NUDCD3: variants seen among roughly 807,000 people sequenced by gnomAD.
NUDCD3 encodes nudC domain-containing protein 3.
NUDCD3 carries 13 observed loss-of-function variants against 39.7 expected under a neutral mutation model. That is an observed-to-expected ratio of 0.33 (90% confidence interval 0.21 to 0.52). NUDCD3 has a LOEUF of 0.52. NUDCD3 is among the 20% of genes least tolerant of loss of function. NUDCD3 has a pLI of 0.96. For missense variants in NUDCD3, 453 were observed against 458.1 expected (o/e 0.99, Z 0.10); for synonymous variants, 175 against 172.4 (o/e 1.02, Z -0.12).
intron 2 of NUDCD3, among the ~76,000 whole-genome samples, chr7:44,465,562 A>T (rs1457705573): frequency 6.6e-6 from 1 of 152,256 alleles, no homozygotes; most frequent in Non-Finnish European, 1.5e-5. Context: ...ACCTAAAGTC[A>T]GTCTAAAAAT....
At chr7:44,480,696 C>T (rs980641382) in intron 2 of NUDCD3, among the ~76,000 whole-genome samples, 1 of 152,052 alleles carries the variant, frequency 6.6e-6, no homozygotes, top group Non-Finnish European at 1.5e-5. Context: ...AATCCCAGCA[C>T]TTTACGAGGC....
At chr7:44,455,242 A>G (rs1374055954) in intron 2 of NUDCD3, among the ~76,000 whole-genome samples, 3 of 152,072 alleles carry the variant, frequency 2.0e-5, no homozygotes, top group Non-Finnish European at 4.4e-5. Context: ...GTTATCTCGT[A>G]GCTGAAGTCA....
intron 2 of NUDCD3, among the ~76,000 whole-genome samples, chr7:44,477,513 G>A (rs1385181419): frequency 6.6e-6 from 1 of 152,174 alleles, no homozygotes; most frequent in Non-Finnish European, 1.5e-5. Flanking sequence ...CCATCCCACT[G>A]TCTACAGCAA....
intron 3 of NUDCD3, among the ~76,000 whole-genome samples, chr7:44,419,972 G>A (rs1380637107): frequency 6.6e-6 from 1 of 152,244 alleles, no homozygotes; most frequent in East Asian, 1.9e-4. Flanking sequence ...TCTCCAGCAA[G>A]GGCACAAAAC....
At chr7:44,474,195 A>C (rs911489494) in intron 2 of NUDCD3, among the ~76,000 whole-genome samples, 1 of 150,454 alleles carries the variant, frequency 6.6e-6, no homozygotes, top group Non-Finnish European at 1.5e-5. Flanking sequence ...AAAAAAAAAA[A>C]ACCAAGCTAG....
In NUDCD3 at chr7:44,386,041, G is replaced by C. The variant is rs745721645; in HGVS notation, c.1056C>G (p.Phe352Leu). ...FRGQRFDPAM[F>L]NISPGAVQF The stretch of plus-strand genomic sequence containing the variant: ...ACTGCACAGCCCCCGGGGAGATGTT[G>C]AACATGGCAGGGTCGAATCGCTGGC... The change falls in exon 6 of 6, where the codon TTC becomes TTG. Residue 352 changes from phenylalanine (F) to leucine (L), a missense_variant. Transcript: ENST00000355451. The C allele has an allele frequency of 4.4e-5, 70 of 1,596,886 alleles. No individual in the cohort carries two copies. Among genetic ancestry groups the C allele is most frequent in the Admixed American group, 6.7e-5 (4 of 59,980 alleles).
intron 2 of NUDCD3, among the ~76,000 whole-genome samples, chr7:44,472,595 T>C (rs2116966968): frequency 6.6e-6 from 1 of 152,344 alleles, no homozygotes; most frequent in Non-Finnish European, 1.5e-5. Flanking sequence ...GATTAAACAC[T>C]AGTTCTACCA....
At chr7:44,441,035 T>C (rs577095726) in intron 2 of NUDCD3, among the ~76,000 whole-genome samples, 28 of 152,348 alleles carry the variant, frequency 1.8e-4, no homozygotes, top group Non-Finnish European at 3.5e-4. Context: ...TCCCACCAAC[T>C]TTGAAAAGCA....
At chr7:44,402,361 C>T (rs1414117995) in intron 4 of NUDCD3, among the ~76,000 whole-genome samples, 2 of 152,158 alleles carry the variant, frequency 1.3e-5, no homozygotes, top group African/African-American at 4.8e-5. Context: ...ATTATACATA[C>T]AAGTGTACAA....
chr7:44,466,293 C>T (rs1800117218), intron 2 of NUDCD3, among the ~76,000 whole-genome samples: 1 of 152,194 alleles, frequency 6.6e-6, no homozygotes. Context: ...CACTGCCAAC[C>T]CACTCGGGCA....
At chr7:44,448,142 C>T (rs1156253159) in intron 2 of NUDCD3, among the ~76,000 whole-genome samples, 1 of 152,344 alleles carries the variant, frequency 6.6e-6, no homozygotes, top group African/African-American at 2.4e-5. Flanking sequence ...TCCCATGTGC[C>T]TTCAGCCTCC....
intron 2 of NUDCD3, among the ~76,000 whole-genome samples, chr7:44,473,362 C>A (rs1176579710): frequency 6.6e-6 from 1 of 152,206 alleles, no homozygotes; most frequent in Admixed American, 6.5e-5. Context: ...CACTGCTCAA[C>A]AACATGAGCC....
At chr7:44,479,236 G>A (rs1036128319) in intron 2 of NUDCD3, among the ~76,000 whole-genome samples, 3 of 152,140 alleles carry the variant, frequency 2.0e-5, no homozygotes, top group African/African-American at 7.2e-5. Flanking sequence ...AAACCATACT[G>A]GTCATCTATC....
chr7:44,433,347 T>G (rs747000335), intron 2 of NUDCD3, among the ~76,000 whole-genome samples: 21 of 152,258 alleles, frequency 1.4e-4, no homozygotes, highest in South Asian at 8.3e-4. Flanking sequence ...TATGTGTGTG[T>G]GGGGTACGTG....
At chr7:44,392,139 G>A (rs1204763452) in intron 5 of NUDCD3, among the ~76,000 whole-genome samples, 158 bp downstream of exon 5, 1 of 152,222 alleles carries the variant, frequency 6.6e-6, no homozygotes, top group African/African-American at 2.4e-5. Context: ...GGGGACAAGA[G>A]CAGGTAAGAC....
rs1800577808 is a variant in NUDCD3 at position 44,485,083 on chromosome 7, T to C, written c.394A>G (p.Lys132Glu). 1.2e-6 allele frequency: 2 copies of C among 1,614,190 alleles called. No individual in the cohort carries two copies. The highest frequency in any genetic ancestry group is 1.7e-6 in the Non-Finnish European group (2 of 1,180,032). Residue 132 changes from lysine to glutamate, a missense_variant, in exon 2 of 6, where the codon AAA becomes GAA. Lys to Glu is a moderately conservative substitution (Grantham distance 56). Transcript: ENST00000355451. ...TTCACAGGGCCTGGAGGCTGCACTT[T>C]CTCTACTTCCTGATGCCCATCCAAT... is the stretch of plus-strand genomic sequence containing the variant. ...TELDGHQEVE[K>E]VQPPGPVKEM...
intron 2 of NUDCD3, among the ~76,000 whole-genome samples, chr7:44,473,222 A>C (rs1476797621): frequency 6.6e-6 from 1 of 152,196 alleles, no homozygotes; most frequent in Non-Finnish European, 1.5e-5. Flanking sequence ...GACCAATTAA[A>C]TCAGATCTCT....
intron 5 of NUDCD3, among the ~76,000 whole-genome samples, chr7:44,389,203 T>C (rs1798463205): frequency 6.6e-6 from 1 of 152,256 alleles, no homozygotes; most frequent in South Asian, 2.1e-4. Flanking sequence ...GCATGGTGCA[T>C]ACATACAATG....
At chr7:44,430,152 A>G (rs989775251) in intron 2 of NUDCD3, among the ~76,000 whole-genome samples, 2 of 152,228 alleles carry the variant, frequency 1.3e-5, no homozygotes, top group Non-Finnish European at 2.9e-5. Flanking sequence ...TAGAATATGT[A>G]GACATTTTTA....
Sources: allele counts gnomAD v4.1 joint callset (sites outside exome capture counted in the v4.1 genomes callset), GRCh38; gene constraint gnomAD v4.1.1; transcripts MANE v1.5; gene names NCBI Gene and HGNC (gene_info 2026-07-23, HGNC 2026-07-21).